The following CEMIP2 variants were observed in gnomAD, a reference collection of about 807,000 sequenced individuals.
The protein encoded by CEMIP2 is cell surface hyaluronidase CEMIP2.
In CEMIP2, 79 loss-of-function variants were observed where a neutral mutation model predicts 146.9. The observed-to-expected ratio is 0.54, with a 90% CI of 0.45 to 0.65. The LOEUF is 0.65. Ranked by LOEUF, CEMIP2 falls within the 30% of genes least tolerant of loss-of-function variation. The probability of loss-of-function intolerance (pLI) is 0.00; values close to 1 mark genes in which losing one functional copy is unlikely to be tolerated. For synonymous variants in CEMIP2, 601 were observed against 606.3 expected (o/e 0.99, Z 0.13); for missense variants, 1,596 against 1,696.2 (o/e 0.94, Z 1.04).
intron 11 of CEMIP2, among the ~76,000 whole-genome samples, chr9:71,724,403 C>G (rs1211030227): frequency 1.3e-5 from 2 of 152,176 alleles, no homozygotes; most frequent in Non-Finnish European, 2.9e-5. Flanking sequence ...TAAACATTAA[C>G]TTAATCAACT....
chr9:71,744,055 G>A lies in CEMIP2; in HGVS notation c.1034+963C>T, dbSNP rs148219309. 2.9e-3 allele frequency among the ~76,000 whole-genome samples: 435 copies of A among 152,260 alleles called. 1 individual carries two copies. The highest frequency in any genetic ancestry group is 4.8e-3 in the Admixed American group (73 of 15,298). On this transcript the variant is annotated intron_variant, in intron 4 of 23. Coordinates refer to ENST00000377044, the MANE Select transcript of CEMIP2 (RefSeq NM_013390.3). ...CTACTTCCCCTAGACTCAGAACTGC[G>A]TTAGGAAATCACAGTTAATTAGAAT...
In CEMIP2 at chr9:71,712,355, T is replaced by G; in HGVS notation, c.2592-95A>C. On this transcript the variant is annotated intron_variant, in intron 15 of 23. Transcript: ENST00000377044. ...TATGAAGACAGCTAAATATCCGGTA[T>G]GAACTAAGCAAAATTCTAGGATACA... is the stretch of plus-strand genomic sequence containing the variant. The G allele has an allele frequency of 2.4e-6, 3 of 1,234,702 alleles. No homozygotes were observed. In the Admixed American group the frequency reaches 6.4e-5, roughly 26 times the overall value. The allele number at this position is 1,234,702 out of a possible 1,614,324, so 76.5% of individuals were successfully genotyped here.
At chr9:71,750,491 G>T in intron 1 of CEMIP2, 106 bp from the exon 2 acceptor site, 1 of 855,226 alleles carries the variant, frequency 1.2e-6, no homozygotes, top group Non-Finnish European at 1.7e-6. Flanking sequence ...GCCCACACTG[G>T]AGTGCAATGG....
chr9:71,763,739 A>G (rs1373954950), intron 1 of CEMIP2, among the ~76,000 whole-genome samples: 2 of 152,270 alleles, frequency 1.3e-5, no homozygotes, highest in Admixed American at 1.3e-4. Flanking sequence ...AACAATTTCA[A>G]AGCAGATTTG....
intron 1 of CEMIP2, among the ~76,000 whole-genome samples, chr9:71,764,037 AG>A (rs756495896): frequency 1.3e-5 from 2 of 152,258 alleles, no homozygotes; most frequent in Non-Finnish European, 2.9e-5. Context: ...GTTTTGAAGA[AG>A]AAAAAAAAGA....
At chr9:71,725,547 C>A in intron 11 of CEMIP2, 34 bp downstream of exon 11, 2 of 1,606,230 alleles carry the variant, frequency 1.2e-6, no homozygotes, top group Non-Finnish European at 1.7e-6. Context: ...CACTGTCTAG[C>A]ATATGTACTA....
chr9:71,704,762 G>A lies in CEMIP2; in HGVS notation c.3027C>T (p.Thr1009=). The change falls in exon 18 of 24, where the codon ACC becomes ACT. Residue 1009 remains threonine, a synonymous_variant. Transcript: ENST00000377044. ...TGGACGGATACTCATCTCGTGTAAT[G>A]GTCATAGAAAGATTCTGAGTGCTCC... The part of the protein sequence containing the change: ...QTWSTQNLSM[T]ITRDEYPSNP... The A allele has an allele frequency of 6.2e-7, 1 of 1,614,090 alleles. No homozygotes were observed. The highest frequency in any genetic ancestry group is 2.2e-5 in the East Asian group (1 of 44,872).
chr9:71,740,538 G>A (rs1020417217), intron 4 of CEMIP2, among the ~76,000 whole-genome samples: 1 of 152,006 alleles, frequency 6.6e-6, no homozygotes, highest in Non-Finnish European at 1.5e-5. Flanking sequence ...TAACATTCTG[G>A]CCAAAATCCA....
intron 15 of CEMIP2, among the ~76,000 whole-genome samples, chr9:71,712,953 T>G (rs910699045): frequency 2.0e-5 from 3 of 152,222 alleles, no homozygotes; most frequent in Non-Finnish European, 2.9e-5. Context: ...GCAGAGGATC[T>G]CTATAGCAAC....
rs763687708 is a variant in CEMIP2, at chr9:71,745,028, G to T, written c.1024C>A (p.Leu342Met). Residue 342 changes from leucine to methionine, a missense_variant, in exon 4 of 24, where the codon CTG becomes ATG. Coordinates refer to ENST00000377044, the MANE Select transcript of CEMIP2 (RefSeq NM_013390.3). ...AGAAGGTATGCCTACCTGTAGCCCA[G>T]TCCTTGGATCAGTTCACTTCCCAAC... ...ERLGSELIQG[L>M]GYRQAWALVG... is the part of the protein sequence containing the mutation. The T allele has an allele frequency of 1.1e-5, 18 of 1,613,554 alleles. No individual in the cohort carries two copies. The highest frequency in any genetic ancestry group is 1.5e-5 in the Non-Finnish European group (18 of 1,179,836).
intron 1 of CEMIP2, among the ~76,000 whole-genome samples, chr9:71,762,657 G>A (rs1824672169): frequency 6.6e-6 from 1 of 152,154 alleles, no homozygotes; most frequent in Non-Finnish European, 1.5e-5. Context: ...CCCTGCTCAA[G>A]CATATTTTTC....
chr9:71,694,434 T>C, intron 21 of CEMIP2, 75 bp downstream of exon 21: 1 of 1,250,220 alleles, frequency 8.0e-7, no homozygotes, highest in Non-Finnish European at 1.2e-6. Flanking sequence ...ATTTCTGTTG[T>C]TTATAAGCTA....
intron 18 of CEMIP2, among the ~76,000 whole-genome samples, chr9:71,703,371 A>C (rs182109082): frequency 3.1e-3 from 478 of 152,338 alleles, no homozygotes; most frequent in African/African-American, 0.011. Flanking sequence ...AAACAGTAAC[A>C]GTAATGGTAA....
Position 71,743,045 on chromosome 9 carries a change from C to T in CEMIP2, c.1034+1973G>A, listed in dbSNP as rs1823967889. 2.0e-5 allele frequency among the ~76,000 whole-genome samples: 3 copies of T among 151,946 alleles called. No homozygotes were observed. In the South Asian group the frequency reaches 6.2e-4, roughly 32 times the overall value. ...ACCAGCCTGGTCAATAGAGTGAGAC[C>T]CCCATCTCTATTTAAAATTAAAAAA... is the stretch of plus-strand genomic sequence containing the variant. On this transcript the variant is annotated intron_variant, in intron 4 of 23. Coordinates refer to ENST00000377044, the MANE Select transcript of CEMIP2 (RefSeq NM_013390.3).
intron 12 of CEMIP2, among the ~76,000 whole-genome samples, chr9:71,718,882 G>A (rs1198610473): frequency 6.6e-6 from 1 of 152,070 alleles, no homozygotes; most frequent in African/African-American, 2.4e-5. Flanking sequence ...CAGCCAGACT[G>A]TATTTAATTA....
intron 2 of CEMIP2, among the ~76,000 whole-genome samples, chr9:71,746,587 A>C (rs1335589652): frequency 7.8e-6 from 1 of 127,618 alleles, no homozygotes; most frequent in African/African-American, 2.8e-5. Flanking sequence ...AGTTCAGGAC[A>C]AACTTCACCA....
At chr9:71,700,964 T>G (rs1822542741) in intron 18 of CEMIP2, 140 bp from the exon 19 acceptor site, 1 of 744,850 alleles carries the variant, frequency 1.3e-6, no homozygotes, top group African/African-American at 1.8e-5. Flanking sequence ...AAATTTCTTC[T>G]GTGTGTTGGG....
intron 1 of CEMIP2, among the ~76,000 whole-genome samples, chr9:71,760,407 T>TG (rs1316723901): frequency 1.6e-4 from 23 of 144,002 alleles, no homozygotes; most frequent in Non-Finnish European, 1.6e-4. Context: ...AGTGAAAACT[T>TG]CTTAAAGTGA....
In CEMIP2 at chr9:71,716,613, T is replaced by G. The variant is rs150768262; in HGVS notation, c.2400-61A>C. 56 of 1,341,690 alleles carry G rather than the reference T, an allele frequency of 4.2e-5. No homozygotes were observed. In the East Asian group the frequency reaches 8.7e-4, roughly 21 times the overall value. 83.1% of individuals were successfully genotyped at this position (1,341,690 alleles called of 1,614,324 possible). ...TACCATATTATGTAAAAAGAGGTAA[T>G]TCTCTCAATATTTAATTATCATGAA... is the stretch of plus-strand genomic sequence containing the variant. On this transcript the variant is annotated intron_variant, in intron 13 of 23. Transcript: ENST00000377044.
Sources: gnomAD v4.1 joint callset for allele counts (sites outside exome capture counted in the v4.1 genomes callset) on GRCh38, gnomAD v4.1.1 for gene constraint, MANE v1.5 for transcripts, NCBI Gene and HGNC (gene_info 2026-07-23, HGNC 2026-07-21) for gene names.